SPTLC3: variants seen among roughly 807,000 people sequenced by gnomAD.
The protein encoded by SPTLC3 is serine palmitoyltransferase long chain base subunit 3.
SPTLC3 carries 36 observed loss-of-function variants against 59.3 expected under a neutral mutation model. The observed-to-expected ratio is 0.61, with a 90% CI of 0.47 to 0.80. The LOEUF (loss-of-function observed/expected upper bound fraction) is 0.80, where lower values mean the gene tolerates loss of function less well. Ranked by LOEUF, SPTLC3 falls within the 30% of genes least tolerant of loss-of-function variation. The probability of loss-of-function intolerance (pLI) is 0.00; values close to 1 mark genes in which losing one functional copy is unlikely to be tolerated. For missense variants in SPTLC3, 625 were observed against 685.1 expected (o/e 0.91, Z 0.98); for synonymous variants, 257 against 240.8 (o/e 1.07, Z -0.62).
At chr20:13,104,526 T>C (rs1396995000) in intron 6 of SPTLC3, among the ~76,000 whole-genome samples, 2 of 152,196 alleles carry the variant, frequency 1.3e-5, no homozygotes, top group Non-Finnish European at 2.9e-5. Flanking sequence ...CCTCATTTTC[T>C]TTATAAATTA....
At chr20:13,162,680 T>C (rs2038916882) in intron 11 of SPTLC3, among the ~76,000 whole-genome samples, 1 of 152,188 alleles carries the variant, frequency 6.6e-6, no homozygotes, top group African/African-American at 2.4e-5. Context: ...CAGTTGCTCA[T>C]TCACCAATAA....
intron 1 of SPTLC3, among the ~76,000 whole-genome samples, chr20:13,034,835 G>A (rs1043795118): frequency 6.6e-6 from 1 of 152,144 alleles, no homozygotes; most frequent in Non-Finnish European, 1.5e-5. Context: ...GTTAGAGCTA[G>A]AGAAAGAGTT....
chr20:13,093,521 C>G lies in SPTLC3; in HGVS notation c.770C>G (p.Ser257Trp). Residue 257 changes from serine to tryptophan, a missense_variant, in exon 6 of 12, where the codon TCG (serine) becomes TGG (tryptophan). Physicochemically the swap from Ser to Trp is radical, Grantham distance 177. Coordinates refer to ENST00000399002, the MANE Select transcript of SPTLC3 (RefSeq NM_018327.4). Reference sequence around the variant, plus strand: ...TTAAGTGATGAGTTAAACCACACATCGCTTGTGCTTGGGGCCCGACTCTCA... The same window carrying G: ...TTAAGTGATGAGTTAAACCACACATGGCTTGTGCTTGGGGCCCGACTCTCA... ...LILSDELNHTSLVLGARLSGA... is the reference protein window; with the variant it reads ...LILSDELNHTWLVLGARLSGA... 6.2e-7 allele frequency: 1 copy of G among 1,613,572 alleles called. No homozygotes were observed. The highest frequency in any genetic ancestry group is 8.5e-7 in the Non-Finnish European group (1 of 1,179,568).
At chr20:13,072,491 CA>C in intron 3 of SPTLC3, 81 bp downstream of exon 3, 7 of 1,384,766 alleles carry the variant, frequency 5.1e-6, no homozygotes, top group Middle Eastern at 1.9e-4. Context: ...ATGACAAATC[CA>C]AAAAAACAAG....
intron 11 of SPTLC3, among the ~76,000 whole-genome samples, chr20:13,163,338 A>G (rs2038931327): frequency 6.8e-6 from 1 of 147,326 alleles, no homozygotes; most frequent in Non-Finnish European, 1.5e-5. Flanking sequence ...ACTGCACTCC[A>G]GCCTGGGCAA....
At chr20:13,059,257 G>A (rs1050995923) in intron 2 of SPTLC3, among the ~76,000 whole-genome samples, 1 of 152,164 alleles carries the variant, frequency 6.6e-6, no homozygotes, top group Non-Finnish European at 1.5e-5. Context: ...ATGGGTAAAG[G>A]CTGCTTAAAC....
At chr20:13,091,461 T>C (rs1346602143) in intron 5 of SPTLC3, among the ~76,000 whole-genome samples, 1 of 151,812 alleles carries the variant, frequency 6.6e-6, no homozygotes, top group Non-Finnish European at 1.5e-5. Flanking sequence ...TAGTCCCAGC[T>C]ACTTGGGAGG....
At chr20:13,157,499 G>GC (rs1275514909) in intron 10 of SPTLC3, among the ~76,000 whole-genome samples, 2 of 152,084 alleles carry the variant, frequency 1.3e-5, no homozygotes, top group African/African-American at 4.8e-5. Context: ...AGAATTCAAA[G>GC]CCAGTTCCAT....
At chr20:13,073,295 G>C (rs534979753) in intron 3 of SPTLC3, among the ~76,000 whole-genome samples, 6 of 152,222 alleles carry the variant, frequency 3.9e-5, no homozygotes, top group Non-Finnish European at 5.9e-5. Flanking sequence ...TAGGTAAAAA[G>C]AAATGTGATA....
In SPTLC3 at chr20:13,160,177, G is replaced by A. The variant is rs541151550; in HGVS notation, c.1545+45G>A. 1.6e-5 allele frequency: 25 copies of A among 1,561,138 alleles called. No homozygotes were observed. The South Asian group carries it at 3.0e-4, about 19-fold the overall frequency. On this transcript the variant is annotated intron_variant, in intron 11 of 11. Transcript: ENST00000399002. ...ACGGGATCTCAGTACCAGTACCTTG[G>A]ATTCAAAGCAAGTCCTTTTGTTGAG...
intron 9 of SPTLC3, among the ~76,000 whole-genome samples, chr20:13,146,700 CCAAA>C (rs1369555243): frequency 6.6e-6 from 1 of 152,136 alleles, no homozygotes; most frequent in Non-Finnish European, 1.5e-5. Flanking sequence ...ATCATTTGTT[CCAAA>C]CAGTGTCAGA....
At chr20:13,072,023 G>A (rs2073302) in intron 2 of SPTLC3, among the ~76,000 whole-genome samples, 54,323 of 152,082 alleles carry the variant, frequency 0.36, 9,771 homozygotes, top group Middle Eastern at 0.48. Flanking sequence ...TTTCGGGCTT[G>A]TATTGCACTG....
intron 1 of SPTLC3, 130 bp downstream of exon 1, chr20:13,009,514 C>T (rs2122343085): frequency 1.2e-6 from 1 of 835,798 alleles, no homozygotes; most frequent in East Asian, 2.6e-5. Flanking sequence ...TGACTGTTGA[C>T]TCTGTTAATA....
At chr20:13,058,717 C>A (rs771557223) in intron 2 of SPTLC3, among the ~76,000 whole-genome samples, 9 of 152,160 alleles carry the variant, frequency 5.9e-5, no homozygotes, top group East Asian at 1.9e-4. Flanking sequence ...TGTTAAAATG[C>A]AGATTCTGCT....
intron 2 of SPTLC3, among the ~76,000 whole-genome samples, chr20:13,067,075 A>G (rs1340728848): frequency 1.8e-4 from 1 of 5,534 alleles, no homozygotes; most frequent in African/African-American, 1.8e-3. Flanking sequence ...ATATATATAT[A>G]TATATATATA....
chr20:13,013,403 C>G (rs1167825665), intron 1 of SPTLC3, among the ~76,000 whole-genome samples: 1 of 152,124 alleles, frequency 6.6e-6, no homozygotes, highest in Non-Finnish European at 1.5e-5. Context: ...TAGGCTACCC[C>G]CTGATTGAAA....
intron 9 of SPTLC3, among the ~76,000 whole-genome samples, chr20:13,129,034 G>A (rs1435353425): frequency 1.3e-5 from 2 of 151,946 alleles, no homozygotes; most frequent in East Asian, 1.9e-4. Context: ...CCCCCACCAT[G>A]CCTGGCTATT....
chr20:13,160,131 C>A lies in SPTLC3; in HGVS notation c.1544C>A (p.Thr515Lys). 1 of 1,613,786 alleles carries A rather than the reference C, an allele frequency of 6.2e-7. No homozygotes were observed. The highest frequency in any genetic ancestry group is 8.5e-7 in the Non-Finnish European group (1 of 1,179,804). The change falls in exon 11 of 12, where the codon ACG becomes AAG. Residue 515 changes from threonine (T) to lysine (K), a missense_variant and splice_region_variant. Transcript: ENST00000399002. Reference sequence around the variant, plus strand: ...GCACATACCCGGGAGATGTTAGACACGGTGAGTACACCACAGGCCAACGGG... The same window carrying A: ...GCACATACCCGGGAGATGTTAGACAAGGTGAGTACACCACAGGCCAACGGG... Reference protein sequence around the residue: ...SAAHTREMLDTVLEALDEMGD... With the variant: ...SAAHTREMLDKVLEALDEMGD...
At chr20:13,134,560 A>G (rs944131320) in intron 9 of SPTLC3, among the ~76,000 whole-genome samples, 4 of 152,188 alleles carry the variant, frequency 2.6e-5, no homozygotes, top group African/African-American at 7.2e-5. Context: ...ACCAGCAGCA[A>G]TGTTACCTGG....
Sources: allele counts gnomAD v4.1 joint callset (sites outside exome capture counted in the v4.1 genomes callset), GRCh38; gene constraint gnomAD v4.1.1; transcripts MANE v1.5; gene names NCBI Gene and HGNC (gene_info 2026-07-23, HGNC 2026-07-21).